CCDC149: variants seen among roughly 807,000 people sequenced by gnomAD.
CCDC149 encodes the protein coiled-coil domain containing 149.
Under a neutral mutation model 59.9 loss-of-function variants are expected in CCDC149, and 45 were observed. The observed-to-expected ratio is 0.75, with a 90% CI of 0.59 to 0.96. CCDC149 has a LOEUF of 0.96. Ranked by LOEUF, CCDC149 falls within the 40% of genes least tolerant of loss-of-function variation. The pLI is 0.00. For synonymous variants in CCDC149, 245 were observed against 260.6 expected, an observed-to-expected ratio of 0.94 and a Z score of 0.58; for missense variants, 584 against 664.7, an observed-to-expected ratio of 0.88 and a Z score of 1.33.
intron 1 of CCDC149, among the ~76,000 whole-genome samples, chr4:24,958,546 G>C (rs1577506553): frequency 6.6e-6 from 1 of 152,056 alleles, no homozygotes; most frequent in Non-Finnish European, 1.5e-5. Flanking sequence ...TGACAAGGAC[G>C]TTAAAAGTCA....
At chr4:24,820,106 C>T in intron 11 of CCDC149, 131 bp from the exon 12 acceptor site, 1 of 640,368 alleles carries the variant, frequency 1.6e-6, no homozygotes, top group South Asian at 1.9e-5. Flanking sequence ...CCTGCTACGA[C>T]TGCTGACATG....
intron 1 of CCDC149, among the ~76,000 whole-genome samples, chr4:24,960,643 A>T (rs1372765241): frequency 6.6e-6 from 1 of 152,222 alleles, no homozygotes; most frequent in East Asian, 1.9e-4. Flanking sequence ...TAGAGCAAAG[A>T]ATATTAACAG....
At chr4:24,974,819 G>T (rs1724105175) in intron 1 of CCDC149, among the ~76,000 whole-genome samples, 1 of 151,976 alleles carries the variant, frequency 6.6e-6, no homozygotes, top group East Asian at 1.9e-4. Flanking sequence ...TTTCTGGAGA[G>T]ACTGGGAAAA....
Position 24,863,473 on chromosome 4 carries a change from T to A in CCDC149, c.264+10208A>T, listed in dbSNP as rs185494136. 6.6e-5 allele frequency among the ~76,000 whole-genome samples: 10 copies of A among 152,336 alleles called. No individual in the cohort carries two copies. The East Asian group carries it at 1.9e-3, about 29-fold the overall frequency. On this transcript the variant is annotated intron_variant, in intron 3 of 12. Coordinates refer to ENST00000635206, the MANE Select transcript of CCDC149 (RefSeq NM_001330643.2). Reference sequence around the variant, plus strand: ...AATATTTCAGGAACAATCCTGCAAGTTGAAACTGCCTTTGCAAAATTATGA... The same window carrying A: ...AATATTTCAGGAACAATCCTGCAAGATGAAACTGCCTTTGCAAAATTATGA...
chr4:24,979,637 GT>G (rs777517226), intron 1 of CCDC149, among the ~76,000 whole-genome samples: 1 of 152,156 alleles, frequency 6.6e-6, no homozygotes, highest in Non-Finnish European at 1.5e-5. Context: ...ATTCCCTGTG[GT>G]TTCAAAATCA....
rs1428868457 is a variant in CCDC149, at chr4:24,837,122, A to G, written c.662+106T>C. ...GGGGAGTGAGTTTCTTTTCACTTGT[A>G]AGGCAATTTTCTCCAAAATAAATAG... On this transcript the variant is annotated intron_variant, in intron 6 of 12. Coordinates refer to ENST00000635206, the MANE Select transcript of CCDC149 (RefSeq NM_001330643.2). The surrounding 1 kb of genome is among the most constrained non-coding windows in gnomAD (Gnocchi z 4.3). The G allele has an allele frequency of 1.9e-5, 21 of 1,083,398 alleles. No individual in the cohort carries two copies. Among genetic ancestry groups the G allele is most frequent in the Non-Finnish European group, 2.6e-5 (20 of 760,546 alleles). 67.1% of individuals were successfully genotyped at this position (1,083,398 alleles called of 1,614,324 possible). A position where few individuals can be genotyped will look rare whatever the true frequency, so the allele number is the denominator to read the frequency against.
intron 1 of CCDC149, among the ~76,000 whole-genome samples, chr4:24,975,093 C>T (rs1724118308): frequency 6.6e-6 from 1 of 152,024 alleles, no homozygotes; most frequent in Admixed American, 6.6e-5. Flanking sequence ...TTGCCTTATG[C>T]CATGTGAGGT....
At chr4:24,950,828 G>C (rs1404024351) in intron 1 of CCDC149, among the ~76,000 whole-genome samples, 3 of 152,230 alleles carry the variant, frequency 2.0e-5, no homozygotes, top group Admixed American at 6.5e-5. Flanking sequence ...TCTGGGGCCT[G>C]TGTAGCCACC....
chr4:24,921,716 G>A (rs984532453), intron 1 of CCDC149, among the ~76,000 whole-genome samples: 1 of 152,194 alleles, frequency 6.6e-6, no homozygotes, highest in Non-Finnish European at 1.5e-5. Context: ...TGAATATCTG[G>A]AATCCTAATT....
intron 1 of CCDC149, among the ~76,000 whole-genome samples, chr4:24,947,823 G>T (rs184672887): frequency 2.6e-4 from 37 of 140,436 alleles, no homozygotes; most frequent in African/African-American, 9.8e-4. Flanking sequence ...AAAGAAGGAG[G>T]ATTTTTTTTT....
In CCDC149 at chr4:24,808,284, C is replaced by G. The variant is rs952819311; in HGVS notation, c.*105G>C. On this transcript the variant is annotated 3_prime_UTR_variant, in exon 13 of 13. Coordinates refer to ENST00000635206, the MANE Select transcript of CCDC149 (RefSeq NM_001330643.2). Reference sequence around the variant, plus strand: ...CAGTGCGTTTTCTCACTTGCAGACTCGGAGGTATTTCAGGAGAAGGCGACG... The same window carrying G: ...CAGTGCGTTTTCTCACTTGCAGACTGGGAGGTATTTCAGGAGAAGGCGACG... The G allele has an allele frequency of 9.6e-7, 1 of 1,039,760 alleles. No homozygotes were observed. Among genetic ancestry groups the G allele is most frequent in the Non-Finnish European group, 1.3e-6 (1 of 756,326 alleles). The allele number at this position is 1,039,760 out of a possible 1,614,324, so 64.4% of individuals were successfully genotyped here.
chr4:24,807,092 C>T lies in CCDC149; in HGVS notation c.*1297G>A, dbSNP rs938092282. 9 of 152,138 alleles carry T rather than the reference C, an allele frequency of 5.9e-5. No individual in the cohort carries two copies. Among genetic ancestry groups the T allele is most frequent in the Non-Finnish European group, 1.2e-4 (8 of 68,026 alleles). The allele number at this position is 152,138 out of a possible 1,614,324, so 9.4% of individuals were successfully genotyped here. On this transcript the variant is annotated 3_prime_UTR_variant, in exon 13 of 13. Transcript: ENST00000635206. ...ACTCTGGGAGCCTCTCTTTTTCCTG[C>T]AAGGAGCGCCTCTCAAAGGAGTGAT...
chr4:24,887,760 G>T (rs1720273779), intron 1 of CCDC149, among the ~76,000 whole-genome samples: 1 of 151,684 alleles, frequency 6.6e-6, no homozygotes, highest in African/African-American at 2.4e-5. Context: ...TCTAGTCCAG[G>T]TACCAGTCCC....
chr4:24,862,574 A>G (rs1227259771), intron 3 of CCDC149, among the ~76,000 whole-genome samples: 1 of 152,220 alleles, frequency 6.6e-6, no homozygotes, highest in East Asian at 1.9e-4. Flanking sequence ...AAGCCTCACA[A>G]TAAATCGTGA....
intron 1 of CCDC149, among the ~76,000 whole-genome samples, chr4:24,932,230 CA>C (rs548113845): frequency 2.6e-5 from 4 of 152,124 alleles, no homozygotes; most frequent in Non-Finnish European, 5.9e-5. Flanking sequence ...ACAGGTTTTC[CA>C]AAAGACACTG....
chr4:24,901,256 T>C (rs1721150880), intron 1 of CCDC149, among the ~76,000 whole-genome samples: 1 of 152,294 alleles, frequency 6.6e-6, no homozygotes, highest in Middle Eastern at 3.4e-3. Context: ...CTTTGCCAGA[T>C]GGGCCAGAGA....
chr4:24,835,254 G>A (rs554022459), intron 7 of CCDC149, among the ~76,000 whole-genome samples: 27 of 152,320 alleles, frequency 1.8e-4, no homozygotes, highest in Non-Finnish European at 3.7e-4. Context: ...ATGGCAGAAT[G>A]ATAGCAATTA....
intron 1 of CCDC149, among the ~76,000 whole-genome samples, chr4:24,879,761 C>T (rs778351804): frequency 2.6e-5 from 4 of 152,130 alleles, no homozygotes; most frequent in African/African-American, 9.6e-5. Context: ...AAAATGCAGA[C>T]TCCTGGGCTC....
intron 1 of CCDC149, among the ~76,000 whole-genome samples, chr4:24,938,574 C>A (rs562596102): frequency 4.6e-5 from 7 of 152,234 alleles, no homozygotes; most frequent in African/African-American, 1.4e-4. Context: ...GTGCACTGGG[C>A]GTGAGCCGAA....
Sources: gnomAD v4.1 joint callset for allele counts (sites outside exome capture counted in the v4.1 genomes callset) on GRCh38, gnomAD v4.1.1 for gene constraint, Gnocchi (gnomAD v3.1) non-coding constraint, MANE v1.5 for transcripts, NCBI Gene and HGNC (gene_info 2026-07-23, HGNC 2026-07-21) for gene names.